The following KYNU variants were observed in gnomAD, a reference collection of about 807,000 sequenced individuals.
KYNU encodes L-kynurenine hydrolase.
In KYNU, 54 loss-of-function variants were observed where a neutral mutation model predicts 59.2. The ratio of observed to expected loss-of-function variants is 0.91; its 90% CI spans 0.73 to 1.14. KYNU has a LOEUF of 1.14. KYNU is among the 50% of genes most tolerant of loss of function. The pLI, the probability that KYNU is intolerant of heterozygous loss-of-function variation, is 0.00. For synonymous variants in KYNU, 177 were observed against 192.0 expected (o/e 0.92, Z 0.65); for missense variants, 567 against 554.4 (o/e 1.02, Z -0.23).
chr2:142,919,153 C>G (rs184735549), intron 3 of KYNU, among the ~76,000 whole-genome samples: 2 of 152,302 alleles, frequency 1.3e-5, no homozygotes, highest in Non-Finnish European at 2.9e-5. Context: ...GAGAGGGAAT[C>G]CATGGATACA....
intron 12 of KYNU, among the ~76,000 whole-genome samples, chr2:143,033,570 C>T (rs1302237889): frequency 1.3e-5 from 2 of 152,178 alleles, no homozygotes; most frequent in African/African-American, 4.8e-5. Context: ...AAATGGAACT[C>T]TTTTGGGGAG....
At chr2:142,976,658 C>T (rs748673586) in intron 8 of KYNU, among the ~76,000 whole-genome samples, 3 of 152,072 alleles carry the variant, frequency 2.0e-5, no homozygotes, top group Non-Finnish European at 4.4e-5. Context: ...GTTGTGAACT[C>T]AAAAGTATCT....
At chr2:142,913,690 T>C (rs1015587075) in intron 2 of KYNU, among the ~76,000 whole-genome samples, 1 of 152,238 alleles carries the variant, frequency 6.6e-6, no homozygotes, top group African/African-American at 2.4e-5. Flanking sequence ...TGGAATGTTT[T>C]GTAGATGTCT....
chr2:142,880,125 G>T (rs946252512), intron 1 of KYNU, among the ~76,000 whole-genome samples: 4 of 152,120 alleles, frequency 2.6e-5, no homozygotes, highest in African/African-American at 9.7e-5. Context: ...CCACTTTGGC[G>T]GCAGGGGTAC....
intron 6 of KYNU, among the ~76,000 whole-genome samples, chr2:142,957,336 T>G (rs577305445): frequency 6.6e-6 from 1 of 152,276 alleles, no homozygotes; most frequent in Admixed American, 6.5e-5. Flanking sequence ...CTATTCATTT[T>G]GCTTATTTTG....
chr2:142,941,146 A>G (rs1300443061), intron 4 of KYNU, among the ~76,000 whole-genome samples: 5 of 152,160 alleles, frequency 3.3e-5, no homozygotes, highest in African/African-American at 4.8e-5. Context: ...CCCTCTGATC[A>G]CTTGGTCTTT....
At chr2:142,962,656 A>G (rs1684389813) in intron 8 of KYNU, among the ~76,000 whole-genome samples, 1 of 152,164 alleles carries the variant, frequency 6.6e-6, no homozygotes, top group African/African-American at 2.4e-5. Context: ...GTCTCATAGA[A>G]CTCTCAGTCA....
At chr2:142,986,078 A>G (rs555995571) in intron 10 of KYNU, 57 bp downstream of exon 10, 2 of 1,195,630 alleles carry the variant, frequency 1.7e-6, no homozygotes, top group African/African-American at 1.5e-5. Context: ...TGCATTAATA[A>G]TATGTTAAAT....
intron 10 of KYNU, among the ~76,000 whole-genome samples, chr2:143,018,654 T>A (rs1686326716): frequency 6.6e-6 from 1 of 151,464 alleles, no homozygotes; most frequent in African/African-American, 2.5e-5. Context: ...TTTAGAATAG[T>A]TTTTTCTAGT....
rs1260944303 is a variant in KYNU at position 142,910,910 on chromosome 2, A to T, written c.170-7699A>T. On this transcript the variant is annotated intron_variant, in intron 2 of 13. Transcript: ENST00000264170. ...ATGTGGCTTTATTCTGGGTTCTCTA[A>T]CCTGTTCTATTGGTCTATGTATATG... Among the ~76,000 whole-genome samples the T allele has an allele frequency of 2.6e-5, 4 of 152,018 alleles. No individual in the cohort carries two copies. The East Asian group carries it at 7.7e-4, about 29-fold the overall frequency.
At chr2:142,951,712 T>C (rs1377794061) in intron 4 of KYNU, among the ~76,000 whole-genome samples, 3 of 152,226 alleles carry the variant, frequency 2.0e-5, no homozygotes, top group Admixed American at 6.5e-5. Flanking sequence ...CATTCTTGCA[T>C]GTTGGACTAA....
rs1476259104 is a variant in KYNU at position 142,956,304 on chromosome 2, T to C, written c.507+30T>C. On this transcript the variant is annotated intron_variant, in intron 6 of 13. Coordinates refer to ENST00000264170, the MANE Select transcript of KYNU (RefSeq NM_003937.3). ...GGACTTCTTCAAATTGTATTTATGT[T>C]CTTTCTACTCTTCCTAGAGCAGTGT... 3 of 1,343,958 alleles carry C rather than the reference T, an allele frequency of 2.2e-6. No homozygotes were observed. In the African/African-American group the frequency reaches 4.3e-5, roughly 19 times the overall value. The allele number at this position is 1,343,958 out of a possible 1,614,324, so 83.3% of individuals were successfully genotyped here.
chr2:143,034,915 C>T (rs1461434470), intron 12 of KYNU, among the ~76,000 whole-genome samples: 3 of 152,122 alleles, frequency 2.0e-5, no homozygotes, highest in East Asian at 1.9e-4. Flanking sequence ...ACTTCTCAGA[C>T]GTACCTGGAA....
chr2:142,898,350 T>C (rs554056708), intron 2 of KYNU, among the ~76,000 whole-genome samples: 105 of 152,234 alleles, frequency 6.9e-4, no homozygotes, highest in Non-Finnish European at 1.3e-3. Context: ...ACAGTAGCTA[T>C]TGAGCATCAA....
intron 10 of KYNU, among the ~76,000 whole-genome samples, chr2:143,020,465 G>A (rs555685402): frequency 3.9e-5 from 6 of 152,166 alleles, no homozygotes; most frequent in African/African-American, 1.4e-4. Context: ...CTCATTTCTA[G>A]TTTTATTCCC....
At chr2:142,969,240 G>A (rs192988437) in intron 8 of KYNU, among the ~76,000 whole-genome samples, 8 of 152,082 alleles carry the variant, frequency 5.3e-5, no homozygotes, top group East Asian at 3.9e-4. Flanking sequence ...GTATATGTAC[G>A]TGTATATATA....
intron 8 of KYNU, among the ~76,000 whole-genome samples, chr2:142,974,376 C>T (rs930640503): frequency 6.6e-6 from 1 of 152,136 alleles, no homozygotes; most frequent in African/African-American, 2.4e-5. Context: ...ATAAGGTGAA[C>T]GTAGAGTAGG....
chr2:143,019,252 T>C (rs559725424), intron 10 of KYNU, among the ~76,000 whole-genome samples: 6 of 152,294 alleles, frequency 3.9e-5, no homozygotes, highest in African/African-American at 1.4e-4. Flanking sequence ...GCTGTTCAAT[T>C]TGATGTAAGC....
intron 10 of KYNU, among the ~76,000 whole-genome samples, chr2:142,988,139 G>A (rs1239818374): frequency 1.3e-5 from 2 of 151,560 alleles, no homozygotes; most frequent in African/African-American, 2.4e-5. Context: ...AATAGGTATG[G>A]GGTTATATGA....
Sources: allele counts gnomAD v4.1 joint callset (sites outside exome capture counted in the v4.1 genomes callset), GRCh38; gene constraint gnomAD v4.1.1; transcripts MANE v1.5; gene names NCBI Gene and HGNC (gene_info 2026-07-23, HGNC 2026-07-21).